Variants in EML4 observed in about 807,000 individuals in gnomAD.
The protein encoded by EML4 is echinoderm microtubule-associated protein-like 4.
EML4 carries 72 observed loss-of-function variants against 129.0 expected under a neutral mutation model. The observed-to-expected ratio is 0.56, with a 90% CI of 0.46 to 0.68. The LOEUF (loss-of-function observed/expected upper bound fraction) is 0.68. Ranked by LOEUF, EML4 falls within the 30% of genes least tolerant of loss-of-function variation. EML4 has a pLI of 0.00. For missense variants in EML4, 1,363 were observed against 1,190.6 expected, an observed-to-expected ratio of 1.14 and a Z score of -2.13; for synonymous variants, 532 against 405.0, an observed-to-expected ratio of 1.31 and a Z score of -3.77.
At chr2:42,227,562 T>C (rs1055066935) in intron 1 of EML4, among the ~76,000 whole-genome samples, 6 of 150,990 alleles carry the variant, frequency 4.0e-5, no homozygotes, top group Non-Finnish European at 8.8e-5. Context: ...TTGTGTGACA[T>C]ATTGCAATAT....
intron 1 of EML4, among the ~76,000 whole-genome samples, chr2:42,170,952 A>G (rs1293845755): frequency 6.6e-6 from 1 of 152,234 alleles, no homozygotes; most frequent in Non-Finnish European, 1.5e-5. Context: ...AGTAAAACCT[A>G]TAATTTTGGC....
chr2:42,203,251 A>T (rs1195214698), intron 1 of EML4, among the ~76,000 whole-genome samples: 1 of 152,070 alleles, frequency 6.6e-6, no homozygotes, highest in Non-Finnish European at 1.5e-5. Context: ...TTAACCTAAC[A>T]TTTTCCATGA....
At chr2:42,229,024 C>CT (rs1402801969) in intron 1 of EML4, among the ~76,000 whole-genome samples, 2 of 152,060 alleles carry the variant, frequency 1.3e-5, no homozygotes, top group East Asian at 3.9e-4. Context: ...TATAGTATCT[C>CT]TTTCTGCTAA....
intron 19 of EML4, among the ~76,000 whole-genome samples, chr2:42,322,193 A>T (rs1005032923): frequency 6.6e-6 from 1 of 152,240 alleles, no homozygotes; most frequent in African/African-American, 2.4e-5. Context: ...ATCAGTAGAG[A>T]AAGAATAGAC....
At chr2:42,285,489 T>G (rs1487411158) in intron 9 of EML4, among the ~76,000 whole-genome samples, 1 of 152,180 alleles carries the variant, frequency 6.6e-6, no homozygotes, top group Non-Finnish European at 1.5e-5. Context: ...TTATTGGACA[T>G]TGATAAAATG....
chr2:42,315,789 G>A, intron 17 of EML4, among the ~76,000 whole-genome samples, 173 bp from the exon 18 acceptor site: 1 of 152,212 alleles, frequency 6.6e-6, no homozygotes, highest in Admixed American at 6.5e-5. Flanking sequence ...GCTGAGGTGT[G>A]GGAGGATAGT....
intron 17 of EML4, among the ~76,000 whole-genome samples, chr2:42,313,044 G>C (rs978488477): frequency 1.4e-5 from 2 of 145,738 alleles, no homozygotes; most frequent in African/African-American, 5.1e-5. Context: ...CACCGCCTGC[G>C]TTCACGCCAT....
intron 2 of EML4, among the ~76,000 whole-genome samples, chr2:42,249,781 C>T (rs564769269): frequency 5.3e-5 from 8 of 152,278 alleles, no homozygotes; most frequent in African/African-American, 1.9e-4. Context: ...GGACACTTGA[C>T]TGAGGTAGAA....
intron 1 of EML4, among the ~76,000 whole-genome samples, chr2:42,228,323 C>A (rs1460604680): frequency 2.0e-5 from 3 of 152,076 alleles, no homozygotes; most frequent in Admixed American, 2.0e-4. Flanking sequence ...GCACCCCTAA[C>A]CCCTACATTG....
chr2:42,301,717 G>A (rs1033757773), intron 14 of EML4, among the ~76,000 whole-genome samples: 2 of 150,750 alleles, frequency 1.3e-5, no homozygotes, highest in Admixed American at 6.6e-5. Context: ...TTTTTTCTAC[G>A]TGTAGCATTC....
At chr2:42,257,683 A>G (rs1445686304) in intron 3 of EML4, among the ~76,000 whole-genome samples, 1 of 152,062 alleles carries the variant, frequency 6.6e-6, no homozygotes, top group Non-Finnish European at 1.5e-5. Flanking sequence ...AAAAATACAA[A>G]AAAAATAGCC....
At chr2:42,172,807 C>T (rs1448854594) in intron 1 of EML4, among the ~76,000 whole-genome samples, 1 of 152,076 alleles carries the variant, frequency 6.6e-6, no homozygotes, top group African/African-American at 2.4e-5. Context: ...ATTCATACAG[C>T]TTTTACCGAT....
At chr2:42,242,695 C>T (rs1675115280) in intron 1 of EML4, among the ~76,000 whole-genome samples, 1 of 150,858 alleles carries the variant, frequency 6.6e-6, no homozygotes, top group Admixed American at 6.6e-5. Flanking sequence ...TCCCTTTTTT[C>T]TCTTTTCTTT....
At chr2:42,245,760 T>C (rs1219457054) in intron 2 of EML4, 73 bp downstream of exon 2, 9 of 1,382,928 alleles carry the variant, frequency 6.5e-6, no homozygotes, top group African/African-American at 4.4e-5. Flanking sequence ...GCTGGAAATA[T>C]AAAACTAGTT....
intron 3 of EML4, 86 bp from the exon 4 acceptor site, chr2:42,261,033 TGA>T: frequency 9.8e-7 from 1 of 1,017,852 alleles, no homozygotes; most frequent in Non-Finnish European, 1.4e-6. Flanking sequence ...CTTAGGGTTT[TGA>T]ATTATATAAT....
chr2:42,230,726 G>C (rs7588806), intron 1 of EML4, among the ~76,000 whole-genome samples: 101,313 of 152,164 alleles, frequency 0.67, 34,238 homozygotes, highest in African/African-American at 0.75. Flanking sequence ...CTTTAACCAG[G>C]TCTTCTCAGC....
intron 1 of EML4, among the ~76,000 whole-genome samples, chr2:42,198,146 C>G (rs1672004092): frequency 6.6e-6 from 1 of 152,168 alleles, no homozygotes; most frequent in Non-Finnish European, 1.5e-5. Context: ...AAGAGAATGT[C>G]CAAACACCTG....
At chr2:42,170,918 A>G (rs1040199946) in intron 1 of EML4, among the ~76,000 whole-genome samples, 7 of 152,266 alleles carry the variant, frequency 4.6e-5, no homozygotes, top group African/African-American at 1.2e-4. Context: ...TCAAAGAGCA[A>G]TGGGCCTATT....
chr2:42,206,788 C>A (rs1420783799), intron 1 of EML4, among the ~76,000 whole-genome samples: 1 of 152,110 alleles, frequency 6.6e-6, no homozygotes, highest in African/African-American at 2.4e-5. Context: ...AAATTTAAAT[C>A]ATCACAGTGA....
Sources: gnomAD v4.1 joint callset for allele counts (sites outside exome capture counted in the v4.1 genomes callset) on GRCh38, gnomAD v4.1.1 for gene constraint, MANE v1.5 for transcripts, NCBI Gene and HGNC (gene_info 2026-07-23, HGNC 2026-07-21) for gene names.